YWHAE: variants seen among roughly 807,000 people sequenced by gnomAD.
The protein encoded by YWHAE is 14-3-3 protein epsilon.
In YWHAE, 4 loss-of-function variants were observed where a neutral mutation model predicts 30.1. The observed-to-expected ratio is 0.13, with a 90% CI of 0.07 to 0.30. The LOEUF (loss-of-function observed/expected upper bound fraction) is 0.30, where lower values mean the gene tolerates loss of function less well. YWHAE is among the 10% of genes least tolerant of loss of function. The pLI, the probability that YWHAE is intolerant of heterozygous loss-of-function variation, is 1.00. For missense variants in YWHAE, 121 were observed against 315.9 expected (o/e 0.38, Z 4.68); for synonymous variants, 118 against 111.8 (o/e 1.06, Z -0.35).
At position 1,365,177 on chromosome 17, in the gene YWHAE, T is replaced by G. The variant is rs935475632; in HGVS notation, c.65-119A>C. The G allele has an allele frequency of 9.7e-6, 11 of 1,132,108 alleles. No homozygotes were observed. The African/African-American group carries it at 1.7e-4, about 18-fold the overall frequency. 70.1% of individuals were successfully genotyped at this position (1,132,108 alleles called of 1,614,324 possible). On this transcript the variant is annotated intron_variant, in intron 1 of 5. Coordinates refer to ENST00000264335, the MANE Select transcript of YWHAE (RefSeq NM_006761.5). ...AAAAAACATTTTAACAAAAATAATT[T>G]CATAATCATCAAAACTAATATGAGT...
chr17:1,358,290 A>G (rs1555640065), intron 4 of YWHAE, among the ~76,000 whole-genome samples: 1 of 152,040 alleles, frequency 6.6e-6, no homozygotes, highest in Non-Finnish European at 1.5e-5. Context: ...CCCAGGCTGG[A>G]GTGCAGTGGC....
chr17:1,375,534 C>G (rs1483842570), intron 1 of YWHAE, among the ~76,000 whole-genome samples: 1 of 152,236 alleles, frequency 6.6e-6, no homozygotes. Context: ...CTTTTGGATC[C>G]ACGGGCAGTT....
chr17:1,372,390 T>G lies in YWHAE; in HGVS notation c.65-7332A>C, dbSNP rs938409166. ...TTTTGCTTTCTCATCATTGCTGTGT[T>G]CACTGGACTAGCACTTTTTAATCTC... On this transcript the variant is annotated intron_variant, in intron 1 of 5. Transcript: ENST00000264335. 2.0e-5 allele frequency among the ~76,000 whole-genome samples: 3 copies of G among 152,374 alleles called. 1 individual carries two copies. Among genetic ancestry groups the G allele is most frequent in the African/African-American group, 7.2e-5 (3 of 41,598 alleles).
At chr17:1,396,840 T>A (rs2073479431) in intron 1 of YWHAE, among the ~76,000 whole-genome samples, 3 of 151,894 alleles carry the variant, frequency 2.0e-5, no homozygotes, top group African/African-American at 7.3e-5. Flanking sequence ...CAGGCTGGTC[T>A]CGAACTTCTG....
At chr17:1,361,411 TAAC>T (rs1407916881) in intron 3 of YWHAE, 113 bp from the exon 4 acceptor site, 5 of 800,602 alleles carry the variant, frequency 6.2e-6, no homozygotes, top group Admixed American at 3.4e-5. Flanking sequence ...AAAATATATG[TAAC>T]AATTAGGTGT....
chr17:1,389,177 G>C (rs901705713), intron 1 of YWHAE, among the ~76,000 whole-genome samples: 6 of 152,158 alleles, frequency 3.9e-5, no homozygotes, highest in African/African-American at 1.4e-4. Flanking sequence ...TGTTGCCCAG[G>C]CTGGTCTCAA....
chr17:1,390,803 C>G (rs2073378141), intron 1 of YWHAE, among the ~76,000 whole-genome samples: 1 of 152,118 alleles, frequency 6.6e-6, no homozygotes, highest in South Asian at 2.1e-4. Context: ...ATCAAGCCCA[C>G]CAACAACAGA....
chr17:1,360,150 CAG>C (rs931920005), intron 4 of YWHAE, among the ~76,000 whole-genome samples: 7 of 152,038 alleles, frequency 4.6e-5, no homozygotes, highest in African/African-American at 1.4e-4. Context: ...TTAATAGAGA[CAG>C]AGTTTCACCA....
chr17:1,365,817 G>T (rs1338258864), intron 1 of YWHAE, among the ~76,000 whole-genome samples: 1 of 152,146 alleles, frequency 6.6e-6, no homozygotes, highest in East Asian at 1.9e-4. Flanking sequence ...TGAGACTCAA[G>T]AATCTGCATT....
At chr17:1,384,791 C>T (rs548840435) in intron 1 of YWHAE, among the ~76,000 whole-genome samples, 3 of 151,928 alleles carry the variant, frequency 2.0e-5, no homozygotes, top group Non-Finnish European at 4.4e-5. Flanking sequence ...CTGCAACCTC[C>T]GCCTCCCGGG....
intron 1 of YWHAE, among the ~76,000 whole-genome samples, chr17:1,388,870 C>T (rs1481279465): frequency 2.6e-5 from 4 of 152,174 alleles, no homozygotes; most frequent in African/African-American, 7.2e-5. Context: ...GGTCAAATAA[C>T]GTTCTTGAAA....
At chr17:1,397,979 T>A (rs1406878007) in intron 1 of YWHAE, among the ~76,000 whole-genome samples, 1 of 152,140 alleles carries the variant, frequency 6.6e-6, no homozygotes, top group Non-Finnish European at 1.5e-5. Flanking sequence ...TGGTCAGAAA[T>A]CCTCACCACT....
chr17:1,397,415 T>G (rs1050496529), intron 1 of YWHAE, among the ~76,000 whole-genome samples: 1 of 152,208 alleles, frequency 6.6e-6, no homozygotes, highest in African/African-American at 2.4e-5. Flanking sequence ...GTCATTTTCC[T>G]GAACACAGGT....
chr17:1,381,088 T>C (rs1305077813), intron 1 of YWHAE, among the ~76,000 whole-genome samples: 3 of 152,152 alleles, frequency 2.0e-5, no homozygotes, highest in Non-Finnish European at 2.9e-5. Context: ...TACATATTGA[T>C]TAAATGGTCC....
chr17:1,397,878 C>T (rs912825510), intron 1 of YWHAE, among the ~76,000 whole-genome samples: 3 of 152,114 alleles, frequency 2.0e-5, no homozygotes, highest in Admixed American at 2.0e-4. Flanking sequence ...TATTTCCTTA[C>T]CCCTTTAGAT....
chr17:1,349,379 T>C (rs898987951), intron 5 of YWHAE, among the ~76,000 whole-genome samples: 2 of 152,188 alleles, frequency 1.3e-5, no homozygotes, highest in Non-Finnish European at 2.9e-5. Flanking sequence ...CTTCTCAAAC[T>C]GATGAACAAT....
At position 1,345,154 on chromosome 17, in the gene YWHAE, T is replaced by C. The variant is rs2072494253; in HGVS notation, c.*293A>G. 4.6e-6 allele frequency: 2 copies of C among 433,732 alleles called. No individual in the cohort carries two copies. Among genetic ancestry groups the C allele is most frequent in the Admixed American group, 4.0e-5 (1 of 24,978 alleles). The allele number at this position is 433,732 out of a possible 1,614,324, so 26.9% of individuals were successfully genotyped here. A position where few individuals can be genotyped will look rare whatever the true frequency, so the allele number is the denominator to read the frequency against. On this transcript the variant is annotated 3_prime_UTR_variant, in exon 6 of 6. Transcript: ENST00000264335. ...ATTTGCTAATGGTGATCTTGCCACATCTGGCACGGAGACGACACAGTAATG... is the reference window on the plus strand; with the variant it reads ...ATTTGCTAATGGTGATCTTGCCACACCTGGCACGGAGACGACACAGTAATG...
rs887472449 is a variant in YWHAE, at chr17:1,385,993, G to A, written c.64+14054C>T. Among the ~76,000 whole-genome samples, 38 of 152,244 alleles carry A rather than the reference G, an allele frequency of 2.5e-4. 1 individual carries two copies. Among genetic ancestry groups the A allele is most frequent in the African/African-American group, 8.4e-4 (35 of 41,562 alleles). On this transcript the variant is annotated intron_variant, in intron 1 of 5. Coordinates refer to ENST00000264335, the MANE Select transcript of YWHAE (RefSeq NM_006761.5). ...CACACAAGAAACTCCTTCCGAAGTG[G>A]AAGGAGTACCAGCTTTGCAGGGCAC...
At chr17:1,348,631 G>C (rs1051824899) in intron 5 of YWHAE, among the ~76,000 whole-genome samples, 8 of 152,158 alleles carry the variant, frequency 5.3e-5, no homozygotes, top group African/African-American at 2.4e-5. Flanking sequence ...TCTTGCCCAA[G>C]CTGGTGTCAA....
Sources: allele counts gnomAD v4.1 joint callset (sites outside exome capture counted in the v4.1 genomes callset), GRCh38; gene constraint gnomAD v4.1.1; transcripts MANE v1.5; gene names NCBI Gene and HGNC (gene_info 2026-07-23, HGNC 2026-07-21).